Variants in RALA observed in about 807,000 individuals in gnomAD.
RALA encodes ras-related protein Ral-A.
RALA carries 5 observed loss-of-function variants against 24.0 expected under a neutral mutation model. The ratio of observed to expected loss-of-function variants is 0.21; its 90% CI spans 0.11 to 0.44. The LOEUF (loss-of-function observed/expected upper bound fraction) is 0.44, where lower values mean the gene tolerates loss of function less well. Ranked by LOEUF, RALA falls within the 20% of genes least tolerant of loss-of-function variation. The pLI is 0.99. For missense variants in RALA, 95 were observed against 241.2 expected (o/e 0.39, Z 4.01); for synonymous variants, 77 against 83.8 (o/e 0.92, Z 0.44).
intron 1 of RALA, among the ~76,000 whole-genome samples, chr7:39,649,354 ATGTT>A (rs1315564470): frequency 6.6e-6 from 1 of 152,176 alleles, no homozygotes; most frequent in Non-Finnish European, 1.5e-5. Context: ...TATGGTTTGA[ATGTT>A]TGTGTTGCCT....
intron 1 of RALA, among the ~76,000 whole-genome samples, chr7:39,648,291 A>G (rs1189142021): frequency 6.6e-6 from 1 of 152,026 alleles, no homozygotes; most frequent in African/African-American, 2.4e-5. Flanking sequence ...ATTGACTTAT[A>G]CTCTAGTCCT....
At chr7:39,636,816 A>G (rs1791691390) in intron 1 of RALA, among the ~76,000 whole-genome samples, 1 of 152,182 alleles carries the variant, frequency 6.6e-6, no homozygotes, top group Non-Finnish European at 1.5e-5. Context: ...GGAAGCAAGC[A>G]CATTCTCATT....
chr7:39,686,447 C>T (rs939209429), intron 1 of RALA, among the ~76,000 whole-genome samples, 184 bp from the exon 2 acceptor site: 12 of 152,098 alleles, frequency 7.9e-5, no homozygotes, highest in Non-Finnish European at 1.6e-4. Context: ...GTTTTATTGC[C>T]ATGGTATTCT....
chr7:39,691,355 T>C (rs1792815309), intron 3 of RALA, among the ~76,000 whole-genome samples: 9 of 152,188 alleles, frequency 5.9e-5, no homozygotes, highest in Admixed American at 5.9e-4. Flanking sequence ...AGTGTCTTAC[T>C]TGATTATGGA....
chr7:39,663,544 T>C (rs1211065143), intron 1 of RALA, among the ~76,000 whole-genome samples: 1 of 152,044 alleles, frequency 6.6e-6, no homozygotes, highest in Non-Finnish European at 1.5e-5. Flanking sequence ...ACAAGTTTAA[T>C]TGCCTGATAT....
At chr7:39,690,336 T>G (rs976076583) in intron 2 of RALA, 46 bp from the exon 3 acceptor site, 1 of 1,511,496 alleles carries the variant, frequency 6.6e-7, no homozygotes, top group African/African-American at 1.4e-5. Flanking sequence ...AAAATAAGTT[T>G]TGAAACGTAA....
chr7:39,696,179 G>A (rs189008600), intron 3 of RALA, among the ~76,000 whole-genome samples: 115 of 152,294 alleles, frequency 7.6e-4, no homozygotes, highest in Admixed American at 1.1e-3. Context: ...CTGACTTCCA[G>A]TAATTTCTGG....
rs375520261 is a variant in RALA, at chr7:39,706,194, G to T, written c.570G>T (p.Lys190Asn). The change falls in exon 5 of 5, where the codon AAG becomes AAT. Residue 190 changes from lysine to asparagine, a missense_variant. Coordinates refer to ENST00000005257, the MANE Select transcript of RALA (RefSeq NM_005402.4). Reference sequence around the variant, plus strand: ...ACAGCAAAGAAAAGAATGGAAAAAAGAAGAGGAAAAGTTTAGCCAAGAGAA... The same window carrying T: ...ACAGCAAAGAAAAGAATGGAAAAAATAAGAGGAAAAGTTTAGCCAAGAGAA... ...MEDSKEKNGK[K>N]KRKSLAKRIR... 6.2e-7 allele frequency: 1 copy of T among 1,609,950 alleles called. No homozygotes were observed. The highest frequency in any genetic ancestry group is 1.3e-5 in the African/African-American group (1 of 74,748).
intron 1 of RALA, among the ~76,000 whole-genome samples, chr7:39,632,154 G>T (rs568011236): frequency 6.6e-6 from 1 of 152,196 alleles, no homozygotes; most frequent in Non-Finnish European, 1.5e-5. Flanking sequence ...GACTAGGCCC[G>T]CCTCCAACCT....
At chr7:39,686,859 G>A (rs983536893) in intron 2 of RALA, 78 bp downstream of exon 2, 34 of 1,093,318 alleles carry the variant, frequency 3.1e-5, no homozygotes, top group Middle Eastern at 2.0e-4. Flanking sequence ...GTGCTATTTT[G>A]TATGGATTGT....
At chr7:39,628,732 T>A (rs1208976854) in intron 1 of RALA, among the ~76,000 whole-genome samples, 1 of 152,068 alleles carries the variant, frequency 6.6e-6, no homozygotes, top group East Asian at 1.9e-4. Flanking sequence ...ATTTTTTGTA[T>A]TTTTAGTAGA....
chr7:39,666,634 C>A (rs560651620), intron 1 of RALA, among the ~76,000 whole-genome samples: 11 of 152,262 alleles, frequency 7.2e-5, no homozygotes, highest in African/African-American at 2.2e-4. Flanking sequence ...ATGTGGGGTG[C>A]CACATATACA....
chr7:39,661,720 C>G (rs1023913736), intron 1 of RALA, among the ~76,000 whole-genome samples: 3 of 152,220 alleles, frequency 2.0e-5, no homozygotes, highest in African/African-American at 7.2e-5. Context: ...GTGTCTGTGG[C>G]TTTTCCAGAC....
rs1182091847 is a variant in RALA, at chr7:39,707,425, C to T, written c.*1180C>T. ...CTGTTTCTGTTTATAATGAAGAACA[C>T]TGTAGCTACATTTTCAGAAGTTAAC... On this transcript the variant is annotated 3_prime_UTR_variant, in exon 5 of 5. Transcript: ENST00000005257. The T allele has an allele frequency of 6.6e-6, 1 of 152,204 alleles. No individual in the cohort carries two copies. Among genetic ancestry groups the T allele is most frequent in the Non-Finnish European group, 1.5e-5 (1 of 68,040 alleles). The allele number at this position is 152,204 out of a possible 1,614,324, so 9.4% of individuals were successfully genotyped here.
chr7:39,688,661 C>T (rs2116077528), intron 2 of RALA, among the ~76,000 whole-genome samples: 1 of 151,612 alleles, frequency 6.6e-6, no homozygotes, highest in East Asian at 1.9e-4. Context: ...GCAACCTCCA[C>T]CTCCCAGGCT....
chr7:39,628,636 G>A lies in RALA; in HGVS notation c.-38+4811G>A, dbSNP rs577983203. 8.0e-4 allele frequency among the ~76,000 whole-genome samples: 121 copies of A among 152,144 alleles called. 1 individual carries two copies. The highest frequency in any genetic ancestry group is 2.9e-3 in the African/African-American group (120 of 41,512). ...AGTGGCGCGATTTCGGCTCACTGCCGCCTCCACCTCCCAGGTTCAAGCAAT... is the reference window on the plus strand; with the variant it reads ...AGTGGCGCGATTTCGGCTCACTGCCACCTCCACCTCCCAGGTTCAAGCAAT... On this transcript the variant is annotated intron_variant, in intron 1 of 4. Transcript: ENST00000005257.
intron 1 of RALA, among the ~76,000 whole-genome samples, chr7:39,659,588 C>T (rs1792153285): frequency 1.3e-5 from 2 of 152,076 alleles, no homozygotes; most frequent in Non-Finnish European, 2.9e-5. Flanking sequence ...TTTATCGTAG[C>T]CAAGAGAAAA....
At chr7:39,654,741 T>TTTTGTTTG (rs536439659) in intron 1 of RALA, among the ~76,000 whole-genome samples, 3 of 152,084 alleles carry the variant, frequency 2.0e-5, no homozygotes, top group South Asian at 4.2e-4. Flanking sequence ...GAATCTAAAT[T>TTTTGTTTG]TTTGTTTGTT....
chr7:39,647,657 A>C (rs1221220585), intron 1 of RALA, among the ~76,000 whole-genome samples: 1 of 152,136 alleles, frequency 6.6e-6, no homozygotes, highest in Non-Finnish European at 1.5e-5. Context: ...TTTAGGAGGT[A>C]ATTAGGTCAT....
Sources: allele counts gnomAD v4.1 joint callset (sites outside exome capture counted in the v4.1 genomes callset), GRCh38; gene constraint gnomAD v4.1.1; transcripts MANE v1.5; gene names NCBI Gene and HGNC (gene_info 2026-07-23, HGNC 2026-07-21).